The following PZP variants were observed in gnomAD, a reference collection of about 807,000 sequenced individuals.
PZP encodes PZP alpha-2-macroglobulin like.
A neutral mutation model predicts 179.8 loss-of-function variants in PZP; 150 were observed. The observed-to-expected ratio is 0.83, with a 90% CI of 0.73 to 0.96. PZP has a LOEUF of 0.96. PZP is among the 40% of genes least tolerant of loss of function. The pLI is 0.00. For synonymous variants in PZP, 624 were observed against 652.3 expected (o/e 0.96, Z 0.66); for missense variants, 1,689 against 1,764.0 (o/e 0.96, Z 0.76).
chr12:9,194,338 C>T lies in PZP; in HGVS notation c.1093-100G>A, dbSNP rs1661826419. 3 of 1,129,436 alleles carry T rather than the reference C, an allele frequency of 2.7e-6. No individual in the cohort carries two copies. In the South Asian group the frequency reaches 5.4e-5, roughly 20 times the overall value. The allele number at this position is 1,129,436 out of a possible 1,614,324, so 70.0% of individuals were successfully genotyped here. On this transcript the variant is annotated intron_variant, in intron 10 of 35. Transcript: ENST00000261336. The stretch of plus-strand genomic sequence containing the variant: ...TTGCTGCTATAACTAAAACAACAAC[C>T]TCCCCCTCAAAAAAACCCCACCAAA...
chr12:9,152,698 A>G, intron 31 of PZP, 126 bp downstream of exon 31: 1 of 1,000,290 alleles, frequency 1.0e-6, no homozygotes, highest in Non-Finnish European at 1.4e-6. Flanking sequence ...GCCTAAATTC[A>G]TTTATAGATA....
chr12:9,137,312 T>C, the PZP span, among the ~76,000 whole-genome samples: 1 of 152,282 alleles, frequency 6.6e-6, no homozygotes, highest in Non-Finnish European at 1.5e-5. Context: ...GTATTCTTGG[T>C]ACCCTTGTCA....
chr12:9,201,409 C>T, intron 4 of PZP, 62 bp from the exon 5 acceptor site: 1 of 1,334,600 alleles, frequency 7.5e-7, no homozygotes, highest in Admixed American at 2.1e-5. Flanking sequence ...CAATTTCAGA[C>T]TTGTGATCAA....
rs773132531 is a variant in PZP at position 9,196,905 on chromosome 12, G to A, written c.867+107C>T. The A allele has an allele frequency of 6.4e-5, 59 of 927,688 alleles. No homozygotes were observed. In the Admixed American group the frequency reaches 6.5e-4, roughly 10 times the overall value. The allele number at this position is 927,688 out of a possible 1,614,324, so 57.5% of individuals were successfully genotyped here. ...GAACAGAAATTCGTTTTTTGGTGGGGGATATTTTGCGACAAGCTTGTCCTG... is the reference window on the plus strand; with the variant it reads ...GAACAGAAATTCGTTTTTTGGTGGGAGATATTTTGCGACAAGCTTGTCCTG... On this transcript the variant is annotated intron_variant, in intron 8 of 35. Coordinates refer to ENST00000261336, the MANE Select transcript of PZP (RefSeq NM_002864.3).
At chr12:9,183,436 G>A (rs759183348) in intron 13 of PZP, among the ~76,000 whole-genome samples, 2 of 151,976 alleles carry the variant, frequency 1.3e-5, no homozygotes, top group East Asian at 1.9e-4. Context: ...GTCTTGCTCT[G>A]TTGCCCAGGC....
chr12:9,137,082 C>T, the PZP span, among the ~76,000 whole-genome samples: 293 of 152,236 alleles, frequency 1.9e-3, 1 homozygote, highest in African/African-American at 6.8e-3. Flanking sequence ...ATTTTGGTGT[C>T]ATATCCAAGA....
At position 9,192,757 on chromosome 12, in the gene PZP, C is replaced by G. The variant is rs1943533286; in HGVS notation, c.1255-18G>C. On this transcript the variant is annotated intron_variant, in intron 11 of 35. Coordinates refer to ENST00000261336, the MANE Select transcript of PZP (RefSeq NM_002864.3). ...GTGAAAACCTGAGTAAACAGAAAAG[C>G]AAAGAAAGAATACTGTCTTGAAATT... 1 of 1,529,824 alleles carries G rather than the reference C, an allele frequency of 6.5e-7. No individual in the cohort carries two copies. The highest frequency in any genetic ancestry group is 9.0e-7 in the Non-Finnish European group (1 of 1,106,328). The allele number at this position is 1,529,824 out of a possible 1,614,324, so 94.8% of individuals were successfully genotyped here.
At chr12:9,167,101 A>G (rs1403086346) in intron 17 of PZP, 3 of 152,174 alleles carry the variant, frequency 2.0e-5, no homozygotes, top group Admixed American at 6.5e-5. Context: ...AGTGGTAACA[A>G]TTTCTATCTC....
At chr12:9,153,421 C>A in intron 29 of PZP, 78 bp from the exon 30 acceptor site, 1 of 1,250,718 alleles carries the variant, frequency 8.0e-7, no homozygotes, top group Non-Finnish European at 1.1e-6. Context: ...TCTGTGTTAG[C>A]CTACCATGAG....
intron 13 of PZP, among the ~76,000 whole-genome samples, chr12:9,189,216 G>A (rs903256041): frequency 2.0e-5 from 3 of 152,108 alleles, no homozygotes; most frequent in African/African-American, 7.2e-5. Flanking sequence ...AAAGAAGAAA[G>A]GAGGAGGCAT....
At chr12:9,138,746 A>G in the PZP span, among the ~76,000 whole-genome samples, 1 of 152,080 alleles carries the variant, frequency 6.6e-6, no homozygotes, top group African/African-American at 2.4e-5. Context: ...GGGAATTTAC[A>G]CAATTCTTCT....
In PZP at chr12:9,160,457, T is replaced by A; in HGVS notation, c.2906A>T (p.Gln969Leu). The A allele has an allele frequency of 6.2e-7, 1 of 1,613,966 alleles. No homozygotes were observed. The highest frequency in any genetic ancestry group is 8.5e-7 in the Non-Finnish European group (1 of 1,179,890). Residue 969 changes from glutamine to leucine, a missense_variant, in exon 24 of 36, where the codon CAA becomes CTA. Physicochemically the swap from Gln to Leu is moderately radical, Grantham distance 113 (BLOSUM62 -2). Coordinates refer to ENST00000261336, the MANE Select transcript of PZP (RefSeq NM_002864.3). The stretch of plus-strand genomic sequence containing the variant: ...GCCATATGGCATCTGGAGGAGATTT[T>A]GTATATTTTGCATAGCAGAACCTAA... ...DILGSAMQNIQNLLQMPYGCG... is the reference protein window; with the variant it reads ...DILGSAMQNILNLLQMPYGCG...
the PZP span, among the ~76,000 whole-genome samples, chr12:9,139,719 T>A: frequency 2.0e-5 from 3 of 152,316 alleles, no homozygotes; most frequent in Middle Eastern, 3.4e-3. Context: ...TAACTCAGTC[T>A]ATTTTATCTG....
chr12:9,149,064 C>A, intron 35 of PZP, 70 bp from the exon 36 acceptor site: 2 of 1,397,128 alleles, frequency 1.4e-6, no homozygotes, highest in Middle Eastern at 3.6e-4. Flanking sequence ...GTGTGGGCAG[C>A]AGAGTGAGCT....
chr12:9,150,685 A>C lies in PZP; in HGVS notation c.4343T>G (p.Leu1448Trp). The C allele has an allele frequency of 6.2e-7, 1 of 1,612,900 alleles. No individual in the cohort carries two copies. The highest frequency in any genetic ancestry group is 8.5e-7 in the Non-Finnish European group (1 of 1,179,268). The change falls in exon 34 of 36, where the codon TTG becomes TGG. Residue 1448 changes from leucine to tryptophan, a missense_variant. This residue lies in a region of PZP where 746 missense variants were observed against 749.2 expected (regional missense o/e 1.00). Coordinates refer to ENST00000261336, the MANE Select transcript of PZP (RefSeq NM_002864.3). ...MVLQDIPVGDLKPAIVKVYDY... is the reference protein window; with the variant it reads ...MVLQDIPVGDWKPAIVKVYDY... Reference sequence around the variant, plus strand: ...ATAGACTTTAACAATTGCTGGCTTCAAGTCTCCTACTGGGATGTCTTGCAG... The same window carrying C: ...ATAGACTTTAACAATTGCTGGCTTCCAGTCTCCTACTGGGATGTCTTGCAG...
chr12:9,208,148 G>T, intron 1 of PZP, 111 bp downstream of exon 1: 2 of 707,302 alleles, frequency 2.8e-6, no homozygotes, highest in Non-Finnish European at 5.0e-6. Flanking sequence ...TCTTATATTT[G>T]GAAGGTATTG....
At chr12:9,199,098 G>A (rs1259886355) in intron 7 of PZP, among the ~76,000 whole-genome samples, 1 of 152,144 alleles carries the variant, frequency 6.6e-6, no homozygotes, top group Admixed American at 6.5e-5. Flanking sequence ...AAGAGATGGA[G>A]GCACAGAGAA....
chr12:9,185,058 C>A (rs1211758707), intron 13 of PZP, among the ~76,000 whole-genome samples: 1 of 152,168 alleles, frequency 6.6e-6, no homozygotes, highest in Non-Finnish European at 1.5e-5. Flanking sequence ...AGTTCTCCAG[C>A]AAGGGTTCTT....
Position 9,164,162 on chromosome 12 carries a change from A to G in PZP, c.2585T>C (p.Leu862Ser). The change falls in exon 20 of 36, where the codon TTG becomes TCG. Residue 862 changes from leucine (L) to serine (S), a missense_variant. Leu to Ser is a moderately radical substitution (Grantham distance 145, BLOSUM62 -2). Transcript: ENST00000261336. Reference protein sequence around the residue: ...YCICGNERQTLSWTVTPKTLG... With the variant: ...YCICGNERQTSSWTVTPKTLG... ...AGTTTTAGGAGTCACTGTCCAAGAC[A>G]AGGTTTGTCTCTCATTTCCACAGAT... 8 of 1,611,812 alleles carry G rather than the reference A, an allele frequency of 5.0e-6. No individual in the cohort carries two copies. Among genetic ancestry groups the G allele is most frequent in the Non-Finnish European group, 6.8e-6 (8 of 1,177,904 alleles).
Sources: allele counts gnomAD v4.1 joint callset (sites outside exome capture counted in the v4.1 genomes callset), GRCh38; gene constraint gnomAD v4.1.1; regional missense constraint gnomAD v4.1.1; transcripts MANE v1.5; gene names NCBI Gene and HGNC (gene_info 2026-07-23, HGNC 2026-07-21).